Variants in KAZN observed in about 807,000 individuals in gnomAD.
KAZN encodes kazrin.
A neutral mutation model predicts 87.4 loss-of-function variants in KAZN; 40 were observed. The observed-to-expected ratio is 0.46, with a 90% CI of 0.36 to 0.60. The LOEUF is 0.60. Among genes scored for constraint, KAZN ranks in the 20% least tolerant of loss-of-function variants. KAZN has a pLI of 0.00. For missense variants in KAZN, 898 were observed against 1,073.9 expected (o/e 0.84, Z 2.29); for synonymous variants, 466 against 458.3 (o/e 1.02, Z -0.22).
At chr1:14,695,959 G>T (rs1003619444) in intron 1 of KAZN, among the ~76,000 whole-genome samples, 34 of 152,276 alleles carry the variant, frequency 2.2e-4, no homozygotes, top group African/African-American at 7.7e-4. Context: ...GGTGAATACA[G>T]TAAAAAGCCT....
intron 1 of KAZN, among the ~76,000 whole-genome samples, chr1:14,097,561 C>T (rs1043285353): frequency 1.6e-4 from 25 of 151,936 alleles, no homozygotes; most frequent in Admixed American, 1.6e-3. Context: ...TATTCGTAGT[C>T]AGTAATGAAA....
intron 2 of KAZN, among the ~76,000 whole-genome samples, chr1:14,307,314 CA>C (rs760541776): frequency 2.0e-5 from 3 of 152,220 alleles, no homozygotes; most frequent in Non-Finnish European, 2.9e-5. Flanking sequence ...GCATCCTAGA[CA>C]CTCAAGAACT....
chr1:14,784,894 C>T (rs897243646), intron 1 of KAZN, among the ~76,000 whole-genome samples: 3 of 151,922 alleles, frequency 2.0e-5, no homozygotes, highest in African/African-American at 7.3e-5. Context: ...AGCCTCTTCT[C>T]AGCAGCCCCG....
rs1315136492 is a variant in KAZN at position 14,761,481 on chromosome 1, G to A, written c.226+162258G>A. On this transcript the variant is annotated intron_variant, in intron 1 of 14. Transcript: ENST00000376030. ...GCAGCATCCTCAGCCCGTAGCACAG[G>A]GCCCAGCACCTAGCAGGTGCACAAT... is the stretch of plus-strand genomic sequence containing the variant. Among the ~76,000 whole-genome samples, 3 of 152,142 alleles carry A rather than the reference G, an allele frequency of 2.0e-5. No homozygotes were observed. The South Asian group carries it at 6.2e-4, about 32-fold the overall frequency.
intron 2 of KAZN, among the ~76,000 whole-genome samples, chr1:14,356,834 T>A (rs1659069579): frequency 6.6e-6 from 1 of 152,232 alleles, no homozygotes; most frequent in South Asian, 2.1e-4. Context: ...TGTAGCCTTG[T>A]AGTATAGTTT....
intron 13 of KAZN, among the ~76,000 whole-genome samples, chr1:15,108,097 T>C (rs895401746): frequency 1.3e-5 from 2 of 152,294 alleles, no homozygotes; most frequent in African/African-American, 4.8e-5. Context: ...ACAATTCCAT[T>C]ACAAACTCAA....
intron 2 of KAZN, among the ~76,000 whole-genome samples, chr1:14,439,413 T>G (rs1245485940): frequency 4.0e-5 from 6 of 151,548 alleles, no homozygotes; most frequent in African/African-American, 1.5e-4. Flanking sequence ...GAGTTAGGAG[T>G]TTTTACCTAC....
At position 14,872,448 on chromosome 1, in the gene KAZN, T is replaced by C. The variant is rs55896840; in HGVS notation, c.227-88236T>C. On this transcript the variant is annotated intron_variant, in intron 1 of 14. Transcript: ENST00000376030. ...CATATGGCTAACAGCAACCATATTG[T>C]ACAGTGCAGTTTTAGATTATTCAAT... Among the ~76,000 whole-genome samples, 26 of 152,360 alleles carry C rather than the reference T, an allele frequency of 1.7e-4. No homozygotes were observed. In the East Asian group the frequency reaches 4.4e-3, roughly 26 times the overall value.
chr1:14,620,878 T>C (rs898194863), intron 1 of KAZN, among the ~76,000 whole-genome samples: 4 of 152,214 alleles, frequency 2.6e-5, no homozygotes, highest in African/African-American at 9.6e-5. Flanking sequence ...CAGCGGAGCC[T>C]CTTGTACAAC....
At chr1:14,795,044 C>T (rs180704713) in intron 1 of KAZN, among the ~76,000 whole-genome samples, 151 of 152,272 alleles carry the variant, frequency 9.9e-4, no homozygotes, top group African/African-American at 3.4e-3. Context: ...CAGAGGCTCT[C>T]GGGCCTTTGG....
chr1:14,009,727 A>C (rs112739489), intron 1 of KAZN, among the ~76,000 whole-genome samples: 4 of 152,300 alleles, frequency 2.6e-5, no homozygotes, highest in African/African-American at 7.2e-5. Context: ...GGCATTTACT[A>C]TGCATTTACT....
intron 1 of KAZN, among the ~76,000 whole-genome samples, chr1:14,832,124 A>G (rs528234891): frequency 3.9e-4 from 59 of 151,776 alleles, no homozygotes; most frequent in African/African-American, 1.4e-3. Flanking sequence ...TGAACCCAGG[A>G]GGCAGAGGTT....
Position 14,507,653 on chromosome 1 carries a change from C to A in KAZN, c.250-91330C>A, listed in dbSNP as rs532018983. ...TATGAAGGAGAGCTGTCTTTTCTTC[C>A]CCAAATTGAAACCGTATTTCTTTTC... On this transcript the variant is annotated intron_variant, in intron 2 of 16. Coordinates refer to the KAZN transcript ENST00000636203. Among the ~76,000 whole-genome samples, 10 of 152,210 alleles carry A rather than the reference C, an allele frequency of 6.6e-5. No homozygotes were observed. The East Asian group carries it at 1.9e-3, about 29-fold the overall frequency.
intron 1 of KAZN, among the ~76,000 whole-genome samples, chr1:14,763,271 C>T (rs4543785): frequency 0.41 from 62,817 of 152,032 alleles, 13,385 homozygotes; most frequent in Non-Finnish European, 0.46. Flanking sequence ...GAGCTGTTTC[C>T]GTCTCAGGCA....
intron 1 of KAZN, among the ~76,000 whole-genome samples, chr1:14,819,583 T>C (rs571819125): frequency 6.6e-6 from 1 of 152,004 alleles, no homozygotes; most frequent in East Asian, 1.9e-4. Flanking sequence ...TCTGCCAAAG[T>C]GCCCTACAGA....
intron 2 of KAZN, among the ~76,000 whole-genome samples, chr1:14,412,333 A>T (rs1178466776): frequency 3.9e-5 from 6 of 152,238 alleles, no homozygotes; most frequent in African/African-American, 1.4e-4. Context: ...AAGTACTCAC[A>T]TATAGAAGAA....
At chr1:14,507,239 C>T (rs182787510) in intron 2 of KAZN, among the ~76,000 whole-genome samples, 4 of 152,252 alleles carry the variant, frequency 2.6e-5, no homozygotes, top group South Asian at 2.1e-4. Context: ...GATCCCTCTC[C>T]GAACCCCTTT....
intron 1 of KAZN, among the ~76,000 whole-genome samples, chr1:13,994,187 C>T (rs1639409387): frequency 1.3e-5 from 2 of 152,210 alleles, no homozygotes; most frequent in Admixed American, 6.5e-5. Context: ...TGACCCAGGG[C>T]ATGGCATTTT....
intron 2 of KAZN, among the ~76,000 whole-genome samples, chr1:14,451,107 G>A (rs1396363160): frequency 6.6e-6 from 1 of 152,016 alleles, no homozygotes; most frequent in South Asian, 2.1e-4. Context: ...GCAGATGCTG[G>A]CACCATGCTT....
Sources: allele counts gnomAD v4.1 joint callset (sites outside exome capture counted in the v4.1 genomes callset), GRCh38; gene constraint gnomAD v4.1.1; transcripts MANE v1.5; gene names NCBI Gene and HGNC (gene_info 2026-07-23, HGNC 2026-07-21).